The following TIAM2 variants were observed in gnomAD, a reference collection of about 807,000 sequenced individuals.
The protein encoded by TIAM2 is rho guanine nucleotide exchange factor TIAM2.
A neutral mutation model predicts 152.9 loss-of-function variants in TIAM2; 80 were observed. The observed-to-expected ratio is 0.52, with a 90% confidence interval of 0.44 to 0.63. The LOEUF (loss-of-function observed/expected upper bound fraction) is 0.63, where lower values mean the gene tolerates loss of function less well. Among genes scored for constraint, TIAM2 ranks in the 30% least tolerant of loss-of-function variants. The probability of loss-of-function intolerance (pLI) is 0.00; values close to 1 mark genes in which losing one functional copy is unlikely to be tolerated. For synonymous variants in TIAM2, 804 were observed against 838.0 expected (o/e 0.96, Z 0.70); for missense variants, 1,965 against 2,120.1 (o/e 0.93, Z 1.44).
At chr6:155,190,955 T>C (rs1426152203) in intron 14 of TIAM2, among the ~76,000 whole-genome samples, 1 of 152,236 alleles carries the variant, frequency 6.6e-6, no homozygotes, top group African/African-American at 2.4e-5. Flanking sequence ...GAAAATGAAT[T>C]CTATTTCTCA....
intron 2 of TIAM2, among the ~76,000 whole-genome samples, chr6:155,092,441 AAATGGGGAT>A (rs1486722501): frequency 6.6e-6 from 1 of 152,166 alleles, no homozygotes; most frequent in Non-Finnish European, 1.5e-5. Context: ...TTCTTATGTA[AAATGGGGAT>A]AATAAAATTT....
chr6:155,168,241 A>G (rs952595345), intron 9 of TIAM2, among the ~76,000 whole-genome samples: 7 of 152,144 alleles, frequency 4.6e-5, no homozygotes, highest in African/African-American at 1.7e-4. Flanking sequence ...TTTTCTTCCA[A>G]GATTTATTCT....
At chr6:155,141,646 A>G (rs1347415669) in intron 5 of TIAM2, among the ~76,000 whole-genome samples, 1 of 152,178 alleles carries the variant, frequency 6.6e-6, no homozygotes, top group African/African-American at 2.4e-5. Context: ...ATTTTCATGC[A>G]GTTCACTGGG....
In TIAM2 at chr6:155,182,088, T is replaced by C. The variant is rs1467508888; in HGVS notation, c.2708-138T>C. The stretch of plus-strand genomic sequence containing the variant: ...CTGCCCCTGCAAGATATTTATACTT[T>C]CAAAATAGCTGTAATTTCGACTTTC... On this transcript the variant is annotated intron_variant, in intron 12 of 26. Coordinates refer to ENST00000682666, the MANE Select transcript of TIAM2 (RefSeq NM_012454.4). The C allele has an allele frequency of 1.0e-5, 7 of 675,098 alleles. 1 individual carries two copies. The South Asian group carries it at 1.3e-4, about 13-fold the overall frequency. The allele number at this position is 675,098 out of a possible 1,614,324, so 41.8% of individuals were successfully genotyped here.
At chr6:155,081,058 G>A (rs997597846) in intron 1 of TIAM2, among the ~76,000 whole-genome samples, 1 of 152,138 alleles carries the variant, frequency 6.6e-6, no homozygotes, top group Admixed American at 6.5e-5. Context: ...ATATTTCTTT[G>A]TTTAGTGAAT....
chr6:155,191,574 T>C (rs1781206456), intron 14 of TIAM2, among the ~76,000 whole-genome samples: 1 of 152,080 alleles, frequency 6.6e-6, no homozygotes, highest in Admixed American at 6.6e-5. Flanking sequence ...GGCCAATCAT[T>C]TGAGCTCAGC....
intron 7 of TIAM2, among the ~76,000 whole-genome samples, chr6:155,162,603 G>A (rs1780299787): frequency 6.6e-6 from 1 of 152,214 alleles, no homozygotes; most frequent in Non-Finnish European, 1.5e-5. Flanking sequence ...GAACTGTCTT[G>A]TTAGCGTAGA....
At chr6:155,002,893 C>T (rs1224602756) in intron 1 of TIAM2, among the ~76,000 whole-genome samples, 3 of 151,768 alleles carry the variant, frequency 2.0e-5, no homozygotes, top group Admixed American at 2.0e-4. Flanking sequence ...AGGGTTTCAC[C>T]ATGTTGACCA....
chr6:155,130,370 A>C lies in TIAM2; in HGVS notation c.1147A>C (p.Ile383Leu). 1.2e-6 allele frequency: 2 copies of C among 1,614,034 alleles called. No homozygotes were observed. The highest frequency in any genetic ancestry group is 1.7e-6 in the Non-Finnish European group (2 of 1,180,030). ...CTCCCTCAAAGCCAGGATGCGACGG[A>C]TCAGTGACTGGACGGGAAGCCTCTC... is the stretch of plus-strand genomic sequence containing the variant. ...KDSLKARMRR[I>L]SDWTGSLSRK... is the part of the protein sequence containing the mutation. Residue 383 changes from isoleucine to leucine, a missense_variant, in exon 4 of 27, where the codon ATC (isoleucine) becomes CTC (leucine). Ile to Leu is a conservative substitution (Grantham distance 5). Transcript: ENST00000682666.
chr6:155,240,097 T>C (rs1268244710), intron 15 of TIAM2, among the ~76,000 whole-genome samples: 1 of 152,216 alleles, frequency 6.6e-6, no homozygotes, highest in Non-Finnish European at 1.5e-5. Flanking sequence ...TCCGGGCTGT[T>C]CTGTGTGGGA....
At chr6:155,029,035 CTATATATACTATGTTATATATACACTGT>C in intron 1 of TIAM2, among the ~76,000 whole-genome samples, 1 of 83,302 alleles carries the variant, frequency 1.2e-5, no homozygotes, top group Non-Finnish European at 2.5e-5. Flanking sequence ...ACTGTATATA[CTATATATACTATGTTATATATACACTGT>C]ATATACTATA....
intron 9 of TIAM2, among the ~76,000 whole-genome samples, chr6:155,172,409 A>C (rs1232910105): frequency 6.6e-6 from 1 of 151,932 alleles, no homozygotes; most frequent in Non-Finnish European, 1.5e-5. Flanking sequence ...TTCCAAAAAA[A>C]ATCTTTACAA....
intron 14 of TIAM2, among the ~76,000 whole-genome samples, chr6:155,208,572 A>G (rs1167325083): frequency 6.6e-6 from 1 of 152,116 alleles, no homozygotes; most frequent in Non-Finnish European, 1.5e-5. Context: ...CAGACTCAGC[A>G]TTGCAGAAGC....
rs1465666775 is a variant in TIAM2, at chr6:155,047,059, C to T, written c.-208-43230C>T. Among the ~76,000 whole-genome samples the T allele has an allele frequency of 2.6e-5, 4 of 152,282 alleles. No individual in the cohort carries two copies. In the East Asian group the frequency reaches 7.7e-4, roughly 29 times the overall value. On this transcript the variant is annotated intron_variant, in intron 1 of 26. Transcript: ENST00000682666. ...TTTGGTCTGGGGCCAGGACAGAAAACGTCTTTAATGTGCTTTTTTAATCCC... is the reference window on the plus strand; with the variant it reads ...TTTGGTCTGGGGCCAGGACAGAAAATGTCTTTAATGTGCTTTTTTAATCCC...
At position 155,065,017 on chromosome 6, in the gene TIAM2, G is replaced by A. The variant is rs372687903; in HGVS notation, c.-208-25272G>A. ...GTCTCCCAGGCTGGAGTGCAGTGGT[G>A]CAATCTCAGCTCACTGCAACCTCCA... On this transcript the variant is annotated intron_variant, in intron 1 of 26. Transcript: ENST00000682666. Among the ~76,000 whole-genome samples the A allele has an allele frequency of 7.4e-4, 113 of 152,248 alleles. No homozygotes were observed. In the South Asian group the frequency reaches 0.021, roughly 28 times the overall value.
chr6:155,181,907 T>C (rs902217706), intron 12 of TIAM2, among the ~76,000 whole-genome samples: 1 of 152,252 alleles, frequency 6.6e-6, no homozygotes, highest in African/African-American at 2.4e-5. Context: ...GATCACATTT[T>C]GCTTATCCAT....
intron 4 of TIAM2, among the ~76,000 whole-genome samples, chr6:155,133,140 AG>A (rs1231828561): frequency 7.2e-5 from 11 of 152,206 alleles, no homozygotes; most frequent in Admixed American, 5.9e-4. Context: ...GGATCACTGG[AG>A]GTCAGGAGTT....
intron 5 of TIAM2, among the ~76,000 whole-genome samples, chr6:155,139,539 G>A (rs1779640710): frequency 6.6e-6 from 1 of 152,120 alleles, no homozygotes; most frequent in Non-Finnish European, 1.5e-5. Flanking sequence ...TAGAATAATG[G>A]GTTGAATCTG....
chr6:155,208,628 C>T (rs1254906872), intron 14 of TIAM2, among the ~76,000 whole-genome samples: 2 of 152,204 alleles, frequency 1.3e-5, no homozygotes, highest in Non-Finnish European at 2.9e-5. Flanking sequence ...TCCCCATCTA[C>T]CCAGTCACCT....
Sources: allele counts gnomAD v4.1 joint callset (sites outside exome capture counted in the v4.1 genomes callset), GRCh38; gene constraint gnomAD v4.1.1; transcripts MANE v1.5; gene names NCBI Gene and HGNC (gene_info 2026-07-23, HGNC 2026-07-21).